Variants in TMEM51 observed in about 807,000 individuals in gnomAD.
TMEM51 encodes transmembrane protein 51, also known as chromosome 1 open reading frame 72.
TMEM51 carries 8 observed loss-of-function variants against 13.6 expected under a neutral mutation model. That is an observed-to-expected ratio of 0.59 (90% confidence interval 0.35 to 1.07). The LOEUF is 1.07. Among genes scored for constraint, TMEM51 ranks in the 50% least tolerant of loss-of-function variants. TMEM51 has a pLI of 0.02. For missense variants in TMEM51, 279 were observed against 330.7 expected (o/e 0.84, Z 1.21); for synonymous variants, 147 against 144.4 (o/e 1.02, Z -0.13).
intron 1 of TMEM51, chr1:15,171,365 G>A (rs565362057): frequency 4.7e-6 from 6 of 1,263,188 alleles, no homozygotes; most frequent in South Asian, 1.3e-5. Context: ...GCATTCATAG[G>A]GGGGGCGGCA....
chr1:15,189,672 C>A (rs552489452), intron 1 of TMEM51, among the ~76,000 whole-genome samples: 1 of 152,302 alleles, frequency 6.6e-6, no homozygotes, highest in African/African-American at 2.4e-5. Flanking sequence ...ATCTCCACTC[C>A]CTTCCCTCCT....
upstream of TMEM51, among the ~76,000 whole-genome samples, chr1:15,153,047 C>G (rs1440714795): frequency 6.6e-6 from 1 of 152,224 alleles, no homozygotes; most frequent in African/African-American, 2.4e-5. Context: ...GGCCGGGACT[C>G]GGGCGTGCGA....
chr1:15,187,547 T>A (rs150223346), intron 1 of TMEM51, among the ~76,000 whole-genome samples: 1 of 152,342 alleles, frequency 6.6e-6, no homozygotes, highest in Non-Finnish European at 1.5e-5. Context: ...TCAATCCATC[T>A]CTGCTTCCTT....
At chr1:15,180,890 T>C (rs571274451) in intron 1 of TMEM51, among the ~76,000 whole-genome samples, 6 of 152,262 alleles carry the variant, frequency 3.9e-5, no homozygotes, top group South Asian at 4.1e-4. Flanking sequence ...AGCTAGAAAA[T>C]GGAGGAGCTG....
intron 1 of TMEM51, among the ~76,000 whole-genome samples, chr1:15,166,271 G>A (rs1000887125): frequency 1.3e-5 from 2 of 152,166 alleles, no homozygotes; most frequent in African/African-American, 4.8e-5. Context: ...GGTGCTTTGG[G>A]AACTGTAGAG....
intron 1 of TMEM51, among the ~76,000 whole-genome samples, chr1:15,189,213 C>CTTTTTTTTTTTTTTTTTTTTTTTTT (rs59346950): frequency 1.1e-4 from 10 of 92,850 alleles, no homozygotes; most frequent in Non-Finnish European, 1.3e-4. Context: ...CTAATTTTTC[C>CTTTTTTTTTTTTTTTTTTTTTTTTT]TTTTTTTTTT....
chr1:15,166,497 A>G (rs923054115), intron 1 of TMEM51, among the ~76,000 whole-genome samples: 4 of 152,158 alleles, frequency 2.6e-5, no homozygotes, highest in South Asian at 2.1e-4. Flanking sequence ...AGGCCGGTGG[A>G]TCACTTGAGG....
At chr1:15,209,793 A>G (rs1454279811) in intron 1 of TMEM51, among the ~76,000 whole-genome samples, 2 of 152,164 alleles carry the variant, frequency 1.3e-5, no homozygotes, top group Admixed American at 1.3e-4. Flanking sequence ...GCACTTTGGG[A>G]GGCCAAGGCA....
intron 1 of TMEM51, among the ~76,000 whole-genome samples, chr1:15,188,352 C>A (rs1282673421): frequency 1.3e-5 from 2 of 152,216 alleles, no homozygotes; most frequent in Non-Finnish European, 2.9e-5. Context: ...ACAGCCCCAC[C>A]CCCTGGGACA....
intron 1 of TMEM51, among the ~76,000 whole-genome samples, chr1:15,193,148 G>T (rs1481187975): frequency 6.6e-6 from 1 of 152,192 alleles, no homozygotes; most frequent in Non-Finnish European, 1.5e-5. Flanking sequence ...AATCTGAGAA[G>T]CCCACAGAAC....
At chr1:15,166,548 C>T (rs765158256) in intron 1 of TMEM51, among the ~76,000 whole-genome samples, 3 of 152,130 alleles carry the variant, frequency 2.0e-5, no homozygotes, top group African/African-American at 2.4e-5. Flanking sequence ...GGTGAAACCC[C>T]GTCTCTACTA....
At chr1:15,191,622 T>C (rs1461220739) in intron 1 of TMEM51, among the ~76,000 whole-genome samples, 3 of 152,166 alleles carry the variant, frequency 2.0e-5, no homozygotes, top group Non-Finnish European at 4.4e-5. Flanking sequence ...CTTTAATAAG[T>C]AGCAGAGCAC....
chr1:15,191,832 C>A lies in TMEM51; in HGVS notation c.-266-18658C>A, dbSNP rs147903116. ...GCTGATGTTACTCTAGTGGCCAAAC[C>A]AGTGCCAGCTATTAAACAGCCAGAA... is the stretch of plus-strand genomic sequence containing the variant. On this transcript the variant is annotated intron_variant, in intron 1 of 3. Transcript: ENST00000376008. The A allele has an allele frequency of 3.3e-3, 1,576 of 479,464 alleles. 30 individuals are homozygous for A. Among genetic ancestry groups the A allele is most frequent in the African/African-American group, 0.028 (1,404 of 49,914 alleles). 29.7% of individuals were successfully genotyped at this position (479,464 alleles called of 1,614,324 possible).
chr1:15,217,430 A>G (rs566274927), intron 3 of TMEM51, among the ~76,000 whole-genome samples: 1 of 152,336 alleles, frequency 6.6e-6, no homozygotes, highest in African/African-American at 2.4e-5. Flanking sequence ...AAAGAATAAT[A>G]TATGCTGTAT....
Position 15,207,004 on chromosome 1 carries a change from A to AC in TMEM51, c.-266-3481dup, listed in dbSNP as rs1644262155. On this transcript the variant is annotated intron_variant, in intron 1 of 3. Coordinates refer to ENST00000376008, the MANE Select transcript of TMEM51 (RefSeq NM_001136218.2). The surrounding 1 kb of genome is among the most constrained non-coding windows in gnomAD (Gnocchi z 4.6). ...GCAGGGGCTCAGCACCTTTTTTCCTACCCCCACTGCATGGGACTGGAAATT... is the reference window on the plus strand; with the variant it reads ...GCAGGGGCTCAGCACCTTTTTTCCTACCCCCCACTGCATGGGACTGGAAATT... Among the ~76,000 whole-genome samples, 1 of 151,912 alleles carries AC rather than the reference A, an allele frequency of 6.6e-6. No homozygotes were observed. The highest frequency in any genetic ancestry group is 2.4e-5 in the African/African-American group (1 of 41,354).
At chr1:15,187,516 A>G (rs1471654652) in intron 1 of TMEM51, among the ~76,000 whole-genome samples, 1 of 152,170 alleles carries the variant, frequency 6.6e-6, no homozygotes, top group East Asian at 1.9e-4. Flanking sequence ...ATGGAGCCCC[A>G]GGGGCTGTCT....
At chr1:15,176,957 G>T (rs1035779966) in intron 1 of TMEM51, among the ~76,000 whole-genome samples, 1 of 152,206 alleles carries the variant, frequency 6.6e-6, no homozygotes, top group Admixed American at 6.5e-5. Flanking sequence ...AAGAAGCAAC[G>T]TATTTGGGAG....
At chr1:15,212,070 A>G (rs539270644) in intron 2 of TMEM51, among the ~76,000 whole-genome samples, 1 of 152,178 alleles carries the variant, frequency 6.6e-6, no homozygotes, top group African/African-American at 2.4e-5. Context: ...TATTACCCTG[A>G]TCTGGATTAT....
At chr1:15,214,255 G>C (rs572948187) in intron 2 of TMEM51, among the ~76,000 whole-genome samples, 1 of 152,244 alleles carries the variant, frequency 6.6e-6, no homozygotes, top group East Asian at 1.9e-4. Context: ...GCACATGAAA[G>C]GGGCATCTGA....
Sources: gnomAD v4.1 joint callset for allele counts (sites outside exome capture counted in the v4.1 genomes callset) on GRCh38, gnomAD v4.1.1 for gene constraint, Gnocchi (gnomAD v3.1) non-coding constraint, MANE v1.5 for transcripts, NCBI Gene and HGNC (gene_info 2026-07-23, HGNC 2026-07-21) for gene names.